Variants in ST18 observed in about 807,000 individuals in gnomAD.
ST18 encodes suppression of tumorigenicity 18 protein.
A neutral mutation model predicts 110.0 loss-of-function variants in ST18; 50 were observed. That is an observed-to-expected ratio of 0.45 (90% CI 0.36 to 0.58). The LOEUF (loss-of-function observed/expected upper bound fraction) is 0.58. Among genes scored for constraint, ST18 ranks in the 20% least tolerant of loss-of-function variants. ST18 has a pLI of 0.00. For synonymous variants in ST18, 461 were observed against 452.4 expected (o/e 1.02, Z -0.24); for missense variants, 1,306 against 1,280.1 (o/e 1.02, Z -0.31).
intron 2 of ST18, among the ~76,000 whole-genome samples, chr8:52,281,470 G>A (rs141286144): frequency 1.2e-4 from 19 of 152,198 alleles, no homozygotes; most frequent in Admixed American, 1.0e-3. Context: ...TTAGAAATGC[G>A]AAAGAAGGAA....
intron 2 of ST18, among the ~76,000 whole-genome samples, chr8:52,374,980 G>A (rs1270595726): frequency 3.3e-5 from 5 of 152,116 alleles, no homozygotes; most frequent in African/African-American, 1.2e-4. Flanking sequence ...CCCGAAGGCT[G>A]CAGAAGTCAC....
chr8:52,302,487 C>G lies in ST18; in HGVS notation c.-464-72410G>C, dbSNP rs143287141. Among the ~76,000 whole-genome samples, 89 of 152,130 alleles carry G rather than the reference C, an allele frequency of 5.9e-4. 3 individuals carry two copies. The East Asian group carries it at 0.016, about 28-fold the overall frequency. On this transcript the variant is annotated intron_variant, in intron 2 of 25. Transcript: ENST00000689386. The stretch of plus-strand genomic sequence containing the variant: ...ACTCTGTTCAATGAGAGAGTCTGTC[C>G]GCAGCCACACCTCCACAGCAGTGGG...
chr8:52,219,906 A>G (rs969208427), intron 5 of ST18, among the ~76,000 whole-genome samples: 2 of 152,178 alleles, frequency 1.3e-5, no homozygotes, highest in African/African-American at 4.8e-5. Flanking sequence ...AACTTTGTGC[A>G]ACTGGCAATG....
intron 2 of ST18, chr8:52,393,465 C>A (rs1182930057): frequency 6.6e-6 from 1 of 152,146 alleles, no homozygotes; most frequent in Non-Finnish European, 1.5e-5. Flanking sequence ...CGTGGTCAAT[C>A]ATTTTCTTTT....
chr8:52,253,927 G>C (rs1423465769), intron 2 of ST18, among the ~76,000 whole-genome samples: 1 of 151,984 alleles, frequency 6.6e-6, no homozygotes, highest in African/African-American at 2.4e-5. Flanking sequence ...TCTCAAAACA[G>C]ATACAATACG....
intron 2 of ST18, among the ~76,000 whole-genome samples, chr8:52,264,777 A>G (rs2094813992): frequency 6.6e-6 from 1 of 152,256 alleles, no homozygotes; most frequent in Non-Finnish European, 1.5e-5. Context: ...GGACACCTGC[A>G]TCTAAAGATG....
intron 15 of ST18, among the ~76,000 whole-genome samples, chr8:52,150,283 T>C (rs996826321): frequency 6.7e-6 from 1 of 148,668 alleles, no homozygotes; most frequent in South Asian, 2.1e-4. Flanking sequence ...TGTGTGTGTA[T>C]ATATATGTGT....
In ST18 at chr8:52,405,118, C is replaced by G. The variant is rs543041258; in HGVS notation, c.-465+4210G>C. The G allele has an allele frequency of 3.9e-5, 6 of 152,272 alleles. No homozygotes were observed. The East Asian group carries it at 1.2e-3, about 29-fold the overall frequency. 9.4% of individuals were successfully genotyped at this position (152,272 alleles called of 1,614,324 possible). ...TCATTCAGTTATTGAAACATGATGACAAAACTGTACAGTGAAAGACTGATT... is the reference window on the plus strand; with the variant it reads ...TCATTCAGTTATTGAAACATGATGAGAAAACTGTACAGTGAAAGACTGATT... On this transcript the variant is annotated intron_variant, in intron 2 of 25. Coordinates refer to ENST00000689386, the MANE Select transcript of ST18 (RefSeq NM_001352837.2).
intron 2 of ST18, among the ~76,000 whole-genome samples, chr8:52,327,946 C>A (rs2140017765): frequency 6.6e-6 from 1 of 152,308 alleles, no homozygotes; most frequent in East Asian, 1.9e-4. Flanking sequence ...AGATTTTATT[C>A]TTGCAATTGT....
At chr8:52,280,462 T>C (rs187886204) in intron 2 of ST18, among the ~76,000 whole-genome samples, 1 of 152,130 alleles carries the variant, frequency 6.6e-6, no homozygotes, top group Non-Finnish European at 1.5e-5. Flanking sequence ...TATATACACT[T>C]GTGTTTATAT....
At chr8:52,277,145 T>C (rs973263206) in intron 2 of ST18, among the ~76,000 whole-genome samples, 1 of 152,176 alleles carries the variant, frequency 6.6e-6, no homozygotes, top group Admixed American at 6.5e-5. Flanking sequence ...GCAGAAGGCA[T>C]GGGGTGGCGA....
At chr8:52,247,106 A>G (rs2093922946) in intron 2 of ST18, among the ~76,000 whole-genome samples, 4 of 152,170 alleles carry the variant, frequency 2.6e-5, no homozygotes, top group Admixed American at 1.3e-4. Context: ...GAAAAGAGGT[A>G]TTACTAACAG....
chr8:52,119,467 G>C (rs914239416), intron 23 of ST18, among the ~76,000 whole-genome samples: 3 of 152,056 alleles, frequency 2.0e-5, no homozygotes, highest in East Asian at 1.9e-4. Flanking sequence ...AAGGATAAAG[G>C]GTACTTGGCT....
intron 2 of ST18, among the ~76,000 whole-genome samples, chr8:52,384,246 G>A (rs1161087884): frequency 6.6e-6 from 1 of 152,116 alleles, no homozygotes; most frequent in African/African-American, 2.4e-5. Context: ...CAAAGCAAAG[G>A]GAAAGCCTGA....
intron 2 of ST18, among the ~76,000 whole-genome samples, chr8:52,351,205 C>G (rs1820171052): frequency 6.6e-6 from 1 of 152,158 alleles, no homozygotes; most frequent in Admixed American, 6.5e-5. Context: ...CATTTCAGAA[C>G]AGCTCACTAC....
chr8:52,354,670 G>A (rs1821875092), intron 2 of ST18, among the ~76,000 whole-genome samples: 1 of 152,144 alleles, frequency 6.6e-6, no homozygotes, highest in African/African-American at 2.4e-5. Context: ...GTAAGGAAAG[G>A]GGAAAGGAAT....
At chr8:52,385,995 C>T (rs546988799) in intron 2 of ST18, among the ~76,000 whole-genome samples, 1 of 152,282 alleles carries the variant, frequency 6.6e-6, no homozygotes, top group South Asian at 2.1e-4. Context: ...TTCATCACAC[C>T]CTCTGACCCC....
intron 2 of ST18, among the ~76,000 whole-genome samples, chr8:52,373,076 G>C (rs958031669): frequency 6.6e-6 from 1 of 152,194 alleles, no homozygotes; most frequent in Admixed American, 6.5e-5. Context: ...TCAGCACAGA[G>C]TTCCTAGGTC....
chr8:52,276,746 A>G (rs1428453738), intron 2 of ST18, among the ~76,000 whole-genome samples: 4 of 151,934 alleles, frequency 2.6e-5, no homozygotes, highest in Admixed American at 2.6e-4. Context: ...TTATCTACCC[A>G]AATTATAAAA....
Sources: allele counts gnomAD v4.1 joint callset (sites outside exome capture counted in the v4.1 genomes callset), GRCh38; gene constraint gnomAD v4.1.1; transcripts MANE v1.5; gene names NCBI Gene and HGNC (gene_info 2026-07-23, HGNC 2026-07-21).